Variants in FANCC observed in about 807,000 individuals in gnomAD.
The protein encoded by FANCC is FA complementation group C.
FANCC carries 55 observed loss-of-function variants against 71.3 expected under a neutral mutation model. The observed-to-expected ratio is 0.77, with a 90% CI of 0.62 to 0.97. The LOEUF is 0.97. Among genes scored for constraint, FANCC ranks in the 50% least tolerant of loss-of-function variants. The pLI, the probability that FANCC is intolerant of heterozygous loss-of-function variation, is 0.00. For synonymous variants in FANCC, 275 were observed against 244.9 expected (o/e 1.12, Z -1.15); for missense variants, 678 against 670.9 (o/e 1.01, Z -0.12).
At chr9:95,172,276 T>C in intron 4 of FANCC, 129 bp from the exon 5 acceptor site, 1 of 616,620 alleles carries the variant, frequency 1.6e-6, no homozygotes, top group Non-Finnish European at 2.9e-6. Flanking sequence ...TTTGTCAAAG[T>C]ACCCAATTTA....
At chr9:95,170,908 A>G (rs1825635705) in intron 6 of FANCC, among the ~76,000 whole-genome samples, 171 bp downstream of exon 6, 1 of 152,172 alleles carries the variant, frequency 6.6e-6, no homozygotes, top group South Asian at 2.1e-4. Flanking sequence ...GATTTTTAAA[A>G]GAGTTTGAAA....
At chr9:95,105,882 C>A (rs1170859738) in intron 14 of FANCC, among the ~76,000 whole-genome samples, 1 of 152,206 alleles carries the variant, frequency 6.6e-6, no homozygotes, top group Non-Finnish European at 1.5e-5. Flanking sequence ...CCTCTACAGG[C>A]GTTTAGGCCA....
rs144150264 is a variant in FANCC at position 95,173,228 on chromosome 9, T to C, written c.346-1081A>G. 5.0e-3 allele frequency among the ~76,000 whole-genome samples: 756 copies of C among 152,196 alleles called. 6 individuals carry two copies. Among genetic ancestry groups the C allele is most frequent in the African/African-American group, 0.017 (687 of 41,514 alleles). Reference sequence around the variant, plus strand: ...TACTCTGTGTGAGCTCCTGGAGGAATAGAAATAGGGTCTTCCATACAGAGT... The same window carrying C: ...TACTCTGTGTGAGCTCCTGGAGGAACAGAAATAGGGTCTTCCATACAGAGT... On this transcript the variant is annotated intron_variant, in intron 4 of 14. Coordinates refer to ENST00000289081, the MANE Select transcript of FANCC (RefSeq NM_000136.3).
chr9:95,138,186 C>T (rs1044410374), intron 7 of FANCC, among the ~76,000 whole-genome samples: 11 of 152,264 alleles, frequency 7.2e-5, no homozygotes, highest in African/African-American at 2.4e-4. Flanking sequence ...CCAGGACTCG[C>T]AGCTGGTAAC....
chr9:95,122,981 G>A (rs917157499), intron 10 of FANCC, among the ~76,000 whole-genome samples: 7 of 152,186 alleles, frequency 4.6e-5, no homozygotes, highest in African/African-American at 1.7e-4. Context: ...TCCAGGGAAA[G>A]TGAGGGTGGG....
chr9:95,169,340 C>T (rs987742839), intron 6 of FANCC, among the ~76,000 whole-genome samples: 1 of 152,172 alleles, frequency 6.6e-6, no homozygotes, highest in Non-Finnish European at 1.5e-5. Flanking sequence ...GAGTGGAATA[C>T]AGAAATGTGT....
chr9:95,229,677 T>A (rs926373375), intron 4 of FANCC, among the ~76,000 whole-genome samples: 2 of 152,082 alleles, frequency 1.3e-5, no homozygotes. Context: ...CAAGTGGAGA[T>A]GTCACACAGG....
chr9:95,124,103 CAAAAAAAAA>C (rs139226812), intron 10 of FANCC, among the ~76,000 whole-genome samples: 7 of 43,550 alleles, frequency 1.6e-4, no homozygotes, highest in Admixed American at 6.5e-4. Context: ...AACCTTGTCT[CAAAAAAAAA>C]AAAAAAAAAA....
At chr9:95,191,530 TTC>T (rs1207631543) in intron 4 of FANCC, among the ~76,000 whole-genome samples, 1 of 151,828 alleles carries the variant, frequency 6.6e-6, no homozygotes, top group Non-Finnish European at 1.5e-5. Flanking sequence ...CCTTCCAAAA[TTC>T]TAGTTCCAGC....
chr9:95,105,965 C>T (rs1417322817), intron 14 of FANCC, among the ~76,000 whole-genome samples: 2 of 152,226 alleles, frequency 1.3e-5, no homozygotes, highest in Non-Finnish European at 2.9e-5. Flanking sequence ...CCCCTGCTTT[C>T]GGCTCTCTGG....
intron 4 of FANCC, among the ~76,000 whole-genome samples, chr9:95,208,093 TTTTTTTTTTTTTTTTTTTTTTG>T: frequency 7.7e-6 from 1 of 129,648 alleles, no homozygotes; most frequent in Non-Finnish European, 1.6e-5. Flanking sequence ...TTTTTTTTTT[TTTTTTTTTTTTTTTTTTTTTTG>T]TGATGGAGTT....
chr9:95,195,059 G>C (rs565191347), intron 4 of FANCC, among the ~76,000 whole-genome samples: 1 of 151,888 alleles, frequency 6.6e-6, no homozygotes, highest in East Asian at 1.9e-4. Flanking sequence ...TTAGCTTGGC[G>C]TGGTGGCACG....
intron 4 of FANCC, among the ~76,000 whole-genome samples, chr9:95,192,547 C>T (rs951587425): frequency 5.9e-5 from 9 of 152,100 alleles, no homozygotes; most frequent in Admixed American, 4.6e-4. Flanking sequence ...AACGCAATTA[C>T]GAATGAACAA....
Position 95,294,530 on chromosome 9 carries a change from T to C in FANCC, c.-79+22996A>G, listed in dbSNP as rs912304488. On this transcript the variant is annotated intron_variant, in intron 1 of 14. Coordinates refer to ENST00000289081, the MANE Select transcript of FANCC (RefSeq NM_000136.3). ...ATTCTGAAACACTCCAGCTTTTCCA[T>C]GAGTACTGATTCATCTGACACAGAG... 42 of 1,552,410 alleles carry C rather than the reference T, an allele frequency of 2.7e-5. No individual in the cohort carries two copies. The African/African-American group carries it at 5.4e-4, about 20-fold the overall frequency.
intron 4 of FANCC, among the ~76,000 whole-genome samples, chr9:95,195,475 G>A (rs1827393747): frequency 6.6e-6 from 1 of 152,070 alleles, no homozygotes. Context: ...ATTCATCTAT[G>A]TGTCCACGCC....
At chr9:95,114,479 C>T (rs1359064651) in intron 12 of FANCC, 150 bp downstream of exon 12, 1 of 780,432 alleles carries the variant, frequency 1.3e-6, no homozygotes, top group Non-Finnish European at 2.3e-6. Context: ...CATGCGCTTC[C>T]TCCACTTCTC....
At chr9:95,117,754 G>C (rs1411672548) in intron 10 of FANCC, among the ~76,000 whole-genome samples, 7 of 115,716 alleles carry the variant, frequency 6.0e-5, no homozygotes, top group South Asian at 2.6e-4. Flanking sequence ...ACGGAGTTTT[G>C]CTCTTGCTGC....
intron 6 of FANCC, 111 bp from the exon 7 acceptor site, chr9:95,150,198 T>A: frequency 9.3e-7 from 1 of 1,076,390 alleles, no homozygotes; most frequent in Non-Finnish European, 1.4e-6. Context: ...GTTTTGCCTC[T>A]AAATAAAGAG....
In FANCC at chr9:95,126,553, A is replaced by C; in HGVS notation, c.872T>G (p.Phe291Cys). The change falls in exon 9 of 15, where the codon TTC (phenylalanine) becomes TGC (cysteine). Residue 291 changes from phenylalanine (F) to cysteine (C), a missense_variant. Coordinates refer to ENST00000289081, the MANE Select transcript of FANCC (RefSeq NM_000136.3). ...CCTGAACATCTCATCAACAACCCGG[A>C]ATATGGCAGGGTGGCAGGCTGCTTG... ...LPQAACHPAIFRVVDEMFRCA... is the reference protein window; with the variant it reads ...LPQAACHPAICRVVDEMFRCA... The C allele has an allele frequency of 6.2e-7, 1 of 1,614,088 alleles. No individual in the cohort carries two copies. The highest frequency in any genetic ancestry group is 8.5e-7 in the Non-Finnish European group (1 of 1,179,970).
Sources: allele counts gnomAD v4.1 joint callset (sites outside exome capture counted in the v4.1 genomes callset), GRCh38; gene constraint gnomAD v4.1.1; transcripts MANE v1.5; gene names NCBI Gene and HGNC (gene_info 2026-07-23, HGNC 2026-07-21).